Variants in GSTCD observed in about 807,000 individuals in gnomAD.
The protein encoded by GSTCD is glutathione S-transferase C-terminal domain containing.
In GSTCD, 44 loss-of-function variants were observed where a neutral mutation model predicts 68.3. The ratio of observed to expected loss-of-function variants is 0.64; its 90% CI spans 0.51 to 0.83. The LOEUF is 0.83. Among genes scored for constraint, GSTCD ranks in the 40% least tolerant of loss-of-function variants. GSTCD has a pLI of 0.00. For missense variants in GSTCD, 739 were observed against 735.9 expected (o/e 1.00, Z -0.05); for synonymous variants, 273 against 255.2 (o/e 1.07, Z -0.67).
At chr4:105,771,712 C>T (rs1734855388) in intron 5 of GSTCD, among the ~76,000 whole-genome samples, 1 of 152,036 alleles carries the variant, frequency 6.6e-6, no homozygotes, top group African/African-American at 2.4e-5. Flanking sequence ...GGCCTCTGTT[C>T]TGTTCCATTC....
At chr4:105,721,912 C>T (rs1044993051) in intron 3 of GSTCD, among the ~76,000 whole-genome samples, 10 of 151,932 alleles carry the variant, frequency 6.6e-5, no homozygotes, top group Admixed American at 3.9e-4. Flanking sequence ...TAGTAGATAG[C>T]GTATCAACAT....
intron 3 of GSTCD, among the ~76,000 whole-genome samples, chr4:105,724,278 T>C (rs1438981034): frequency 2.0e-5 from 3 of 151,804 alleles, no homozygotes; most frequent in Non-Finnish European, 3.0e-5. Flanking sequence ...AAATAGAATT[T>C]GGTGGTAGTG....
chr4:105,815,796 T>C (rs1448080266), intron 5 of GSTCD, among the ~76,000 whole-genome samples: 3 of 152,174 alleles, frequency 2.0e-5, no homozygotes, highest in African/African-American at 7.2e-5. Context: ...CTAACTATTT[T>C]CTACAGTTAG....
chr4:105,766,312 G>C (rs1734604868), intron 5 of GSTCD, among the ~76,000 whole-genome samples: 1 of 152,128 alleles, frequency 6.6e-6, no homozygotes, highest in Non-Finnish European at 1.5e-5. Context: ...GCTGCTGCTG[G>C]AGACACTATG....
chr4:105,732,319 C>A (rs1733276731), intron 5 of GSTCD, among the ~76,000 whole-genome samples: 1 of 152,106 alleles, frequency 6.6e-6, no homozygotes, highest in Non-Finnish European at 1.5e-5. Context: ...TCCGTCTGGT[C>A]CTGGACTTTT....
chr4:105,713,219 T>A (rs1732591130), intron 1 of GSTCD, among the ~76,000 whole-genome samples: 1 of 152,208 alleles, frequency 6.6e-6, no homozygotes, highest in African/African-American at 2.4e-5. Flanking sequence ...TGAAAGCCAG[T>A]ATTCGAAGGA....
chr4:105,712,024 G>T (rs1229985110), intron 1 of GSTCD, among the ~76,000 whole-genome samples: 1 of 152,154 alleles, frequency 6.6e-6, no homozygotes, highest in Non-Finnish European at 1.5e-5. Flanking sequence ...ATTTGGAAAA[G>T]AAAGAATGGT....
At chr4:105,736,268 T>G (rs1733459578) in intron 5 of GSTCD, among the ~76,000 whole-genome samples, 2 of 152,134 alleles carry the variant, frequency 1.3e-5, no homozygotes, top group South Asian at 2.1e-4. Flanking sequence ...TATTTTCCTG[T>G]GAGTTTTGTA....
chr4:105,732,801 C>A (rs1733299229), intron 5 of GSTCD, among the ~76,000 whole-genome samples: 1 of 152,184 alleles, frequency 6.6e-6, no homozygotes, highest in African/African-American at 2.4e-5. Flanking sequence ...AATTTTAGAT[C>A]TTTCCTGCTT....
intron 3 of GSTCD, among the ~76,000 whole-genome samples, chr4:105,722,923 A>G (rs1292652468): frequency 6.6e-6 from 1 of 151,902 alleles, no homozygotes; most frequent in Non-Finnish European, 1.5e-5. Flanking sequence ...ATATATCTTC[A>G]TGAGTGTAAT....
chr4:105,757,583 G>A lies in GSTCD; in HGVS notation c.1240+28084G>A, dbSNP rs182930610. On this transcript the variant is annotated intron_variant, in intron 5 of 11. Transcript: ENST00000515279. ...TATTTCTCACACAAATGTTATTTTTGCATTCTGGGGTCTCTTCATCCTTTC... is the reference window on the plus strand; with the variant it reads ...TATTTCTCACACAAATGTTATTTTTACATTCTGGGGTCTCTTCATCCTTTC... 4.0e-3 allele frequency among the ~76,000 whole-genome samples: 615 copies of A among 151,940 alleles called. 3 individuals are homozygous for A. Among genetic ancestry groups the A allele is most frequent in the African/African-American group, 0.014 (595 of 41,392 alleles).
intron 5 of GSTCD, among the ~76,000 whole-genome samples, chr4:105,799,246 A>G (rs577229495): frequency 2.6e-5 from 4 of 152,282 alleles, no homozygotes; most frequent in African/African-American, 7.2e-5. Flanking sequence ...TCAGACCACA[A>G]ACACTTCCCA....
chr4:105,722,900 G>A (rs1287565055), intron 3 of GSTCD, among the ~76,000 whole-genome samples: 1 of 151,652 alleles, frequency 6.6e-6, no homozygotes, highest in Non-Finnish European at 1.5e-5. Context: ...GTTTTCATTA[G>A]CAACTTCCTT....
Position 105,726,659 on chromosome 4 carries a change from G to T in GSTCD, c.975G>T (p.Val325=). The T allele has an allele frequency of 6.2e-7, 1 of 1,613,792 alleles. No homozygotes were observed. Among genetic ancestry groups the T allele is most frequent in the South Asian group, 1.1e-5 (1 of 91,070 alleles). ...LASWYQRIQE[V]PGVKTAASKC... is the part of the protein sequence containing the mutation. ...CTTGGTACCAGAGGATTCAGGAAGT[G>T]CCAGGAGTAAAAACAGCAGCTTCTA... is the stretch of plus-strand genomic sequence containing the variant. The change falls in exon 4 of 12, where the codon GTG becomes GTT. Residue 325 remains valine (V), a synonymous_variant. Coordinates refer to ENST00000515279, the MANE Select transcript of GSTCD (RefSeq NM_001370181.1).
At chr4:105,775,411 TG>T (rs746589819) in intron 5 of GSTCD, among the ~76,000 whole-genome samples, 69 of 152,300 alleles carry the variant, frequency 4.5e-4, no homozygotes, top group Non-Finnish European at 8.1e-4. Context: ...TGTGATCCTT[TG>T]GGGGAGAAAA....
rs180911932 is a variant in GSTCD, at chr4:105,790,947, T to C, written c.1241-32007T>C. ...CTAAAGCATGGACAGCTAATATATA[T>C]CTAGCAAACAATGAGTTGTTAAACG... On this transcript the variant is annotated intron_variant, in intron 5 of 11. Transcript: ENST00000515279. Among the ~76,000 whole-genome samples, 246 of 152,082 alleles carry C rather than the reference T, an allele frequency of 1.6e-3. 5 individuals carry two copies. The highest frequency in any genetic ancestry group is 5.7e-3 in the African/African-American group (235 of 41,390).
intron 1 of GSTCD, among the ~76,000 whole-genome samples, chr4:105,709,896 A>G (rs912345487): frequency 1.3e-5 from 2 of 152,212 alleles, no homozygotes; most frequent in African/African-American, 4.8e-5. Flanking sequence ...ATTTAAATCC[A>G]TGATAATAAA....
intron 8 of GSTCD, among the ~76,000 whole-genome samples, chr4:105,831,479 T>G (rs895880135): frequency 9.2e-5 from 14 of 152,018 alleles, no homozygotes; most frequent in Non-Finnish European, 1.9e-4. Context: ...TGGTTTGGAG[T>G]CAGACACATT....
Position 105,780,048 on chromosome 4 carries a change from A to G in GSTCD, c.1241-42906A>G, listed in dbSNP as rs574509526. 4.6e-5 allele frequency among the ~76,000 whole-genome samples: 7 copies of G among 152,334 alleles called. No individual in the cohort carries two copies. The South Asian group carries it at 1.2e-3, about 27-fold the overall frequency. ...CAGTGCATATGTTGAATCTAATTAC[A>G]TGTTTCATATTGCTCCTTGCCAACA... is the stretch of plus-strand genomic sequence containing the variant. On this transcript the variant is annotated intron_variant, in intron 5 of 11. Transcript: ENST00000515279.
Sources: allele counts gnomAD v4.1 joint callset (sites outside exome capture counted in the v4.1 genomes callset), GRCh38; gene constraint gnomAD v4.1.1; transcripts MANE v1.5; gene names NCBI Gene and HGNC (gene_info 2026-07-23, HGNC 2026-07-21).